The following RARB variants were observed in gnomAD, a reference collection of about 807,000 sequenced individuals.
RARB encodes HBV-activated protein.
RARB carries 17 observed loss-of-function variants against 51.9 expected under a neutral mutation model. The ratio of observed to expected loss-of-function variants is 0.33; its 90% confidence interval spans 0.22 to 0.49. The LOEUF (loss-of-function observed/expected upper bound fraction) is 0.49, where lower values mean the gene tolerates loss of function less well. Ranked by LOEUF, RARB falls within the 20% of genes least tolerant of loss-of-function variation. RARB has a pLI of 0.99. For missense variants in RARB, 369 were observed against 550.8 expected, an observed-to-expected ratio of 0.67 and a Z score of 3.30; for synonymous variants, 215 against 195.4, an observed-to-expected ratio of 1.10 and a Z score of -0.84.
intron 2 of RARB, among the ~76,000 whole-genome samples, chr3:24,934,493 CTG>C (rs1695509048): frequency 6.6e-6 from 1 of 152,052 alleles, no homozygotes; most frequent in Admixed American, 6.6e-5. Context: ...TTTTATGAAA[CTG>C]AATTTGGTCT....
intron 2 of RARB, among the ~76,000 whole-genome samples, chr3:24,867,487 C>T (rs184846546): frequency 3.2e-4 from 48 of 152,204 alleles, no homozygotes; most frequent in African/African-American, 1.2e-3. Context: ...CAGCTTGGCA[C>T]CAAGCAGACT....
At chr3:25,179,217 C>T (rs951978847) in intron 5 of RARB, among the ~76,000 whole-genome samples, 1 of 152,136 alleles carries the variant, frequency 6.6e-6, no homozygotes, top group Non-Finnish European at 1.5e-5. Context: ...AGCTTTGTTA[C>T]CTAGCTTGTC....
At chr3:25,580,444 A>G (rs1193550684) in intron 4 of RARB, 102 bp from the exon 5 acceptor site, 19 of 1,159,626 alleles carry the variant, frequency 1.6e-5, no homozygotes, top group Non-Finnish European at 2.2e-5. Context: ...TGCCTGCTCA[A>G]GGCTGACATG....
Position 25,025,444 on chromosome 3 carries a change from T to C in RARB, c.-379-34681T>C, listed in dbSNP as rs564852351. ...CCCTGGGGGACCTACATTTCTGGGATTGCAATCTTGACCCAGATGATTCAT... is the reference window on the plus strand; with the variant it reads ...CCCTGGGGGACCTACATTTCTGGGACTGCAATCTTGACCCAGATGATTCAT... On this transcript the variant is annotated intron_variant, in intron 2 of 11. Coordinates refer to the RARB transcript ENST00000383772. Among the ~76,000 whole-genome samples, 241 of 152,322 alleles carry C rather than the reference T, an allele frequency of 1.6e-3. 1 individual carries two copies. Among genetic ancestry groups the C allele is most frequent in the African/African-American group, 5.6e-3 (232 of 41,580 alleles).
chr3:25,436,981 GATCTGTAGAAGGATTA>G (rs1490165178), intron 1 of RARB, among the ~76,000 whole-genome samples: 18 of 152,242 alleles, frequency 1.2e-4, no homozygotes, highest in Admixed American at 3.3e-4. Flanking sequence ...TACATTGCAG[GATCTGTAGAAGGATTA>G]GAGATCATGT....
At chr3:25,532,056 T>C (rs1283182959) in intron 3 of RARB, among the ~76,000 whole-genome samples, 1 of 152,184 alleles carries the variant, frequency 6.6e-6, no homozygotes, top group Non-Finnish European at 1.5e-5. Flanking sequence ...ATAATGGTTC[T>C]ATACAGCTCT....
rs78872182 is a variant in RARB, at chr3:24,902,216, T to A, written c.-380+43464T>A. 8.0e-3 allele frequency among the ~76,000 whole-genome samples: 1,223 copies of A among 152,298 alleles called. 85 individuals are homozygous for A. The East Asian group carries it at 0.17, about 21-fold the overall frequency. ...TCTAGAATTTGACCACAGACTTACG[T>A]GTCCCTAGAGATCTACTGCTTCCAA... On this transcript the variant is annotated intron_variant, in intron 2 of 11. Transcript: ENST00000383772.
At chr3:25,391,414 A>C (rs1047888501) in intron 5 of RARB, among the ~76,000 whole-genome samples, 1 of 152,166 alleles carries the variant, frequency 6.6e-6, no homozygotes, top group Non-Finnish European at 1.5e-5. Flanking sequence ...AATACTCAAT[A>C]GTGGGATTGC....
intron 5 of RARB, among the ~76,000 whole-genome samples, chr3:25,268,782 T>C (rs1244390498): frequency 6.6e-6 from 1 of 152,214 alleles, no homozygotes; most frequent in Non-Finnish European, 1.5e-5. Context: ...CATGTCAGCC[T>C]CTCTGCGCTT....
intron 2 of RARB, among the ~76,000 whole-genome samples, chr3:25,001,118 G>A (rs1364934727): frequency 6.6e-6 from 1 of 152,034 alleles, no homozygotes; most frequent in Non-Finnish European, 1.5e-5. Flanking sequence ...TGAGGATGGA[G>A]GGAGGGAGGG....
chr3:24,966,344 A>G (rs1575095546), intron 2 of RARB, among the ~76,000 whole-genome samples: 1 of 152,246 alleles, frequency 6.6e-6, no homozygotes, highest in African/African-American at 2.4e-5. Context: ...AAAAGAAACA[A>G]TTTTAACAAA....
At chr3:25,010,542 C>T (rs531176449) in intron 2 of RARB, among the ~76,000 whole-genome samples, 1 of 152,054 alleles carries the variant, frequency 6.6e-6, no homozygotes, top group Admixed American at 6.6e-5. Context: ...GTTTTGGGAG[C>T]AACAGATTAT....
At chr3:25,460,855 A>G (rs1305917319) in intron 1 of RARB, among the ~76,000 whole-genome samples, 1 of 152,188 alleles carries the variant, frequency 6.6e-6, no homozygotes, top group African/African-American at 2.4e-5. Context: ...TGGCTCTACC[A>G]CTGCTCTGCT....
At chr3:25,443,359 T>C (rs1412573406) in intron 1 of RARB, among the ~76,000 whole-genome samples, 1 of 152,046 alleles carries the variant, frequency 6.6e-6, no homozygotes, top group Non-Finnish European at 1.5e-5. Context: ...AGAAATAGAT[T>C]TTCTGATGGT....
At chr3:25,531,803 A>G (rs929469376) in intron 3 of RARB, among the ~76,000 whole-genome samples, 6 of 151,666 alleles carry the variant, frequency 4.0e-5, no homozygotes, top group African/African-American at 1.2e-4. Context: ...CTTTTCTGCC[A>G]GGTAGGAATT....
chr3:25,011,705 C>A (rs891200291), intron 2 of RARB, among the ~76,000 whole-genome samples: 1 of 152,200 alleles, frequency 6.6e-6, no homozygotes, highest in Admixed American at 6.5e-5. Context: ...CCTACTCTGG[C>A]AATTACTGGT....
intron 2 of RARB, among the ~76,000 whole-genome samples, chr3:24,954,057 C>A: frequency 6.6e-6 from 1 of 152,202 alleles, no homozygotes; most frequent in Non-Finnish European, 1.5e-5. Context: ...TATTTTCCTG[C>A]TTCTCCCTAT....
At chr3:25,290,844 C>T (rs1212919994) in intron 5 of RARB, among the ~76,000 whole-genome samples, 3 of 152,120 alleles carry the variant, frequency 2.0e-5, no homozygotes, top group Non-Finnish European at 2.9e-5. Context: ...TCTTGCTTTC[C>T]CCAGAACATA....
intron 5 of RARB, among the ~76,000 whole-genome samples, chr3:25,231,164 A>G (rs6789399): frequency 0.012 from 1,794 of 152,250 alleles, 38 homozygotes; most frequent in African/African-American, 0.041. Context: ...TGCTATTAAC[A>G]TTTTAAGTGT....
Sources: gnomAD v4.1 joint callset for allele counts (sites outside exome capture counted in the v4.1 genomes callset) on GRCh38, gnomAD v4.1.1 for gene constraint, MANE v1.5 for transcripts, NCBI Gene and HGNC (gene_info 2026-07-23, HGNC 2026-07-21) for gene names.